The following NETO2 variants were observed in gnomAD, a reference collection of about 807,000 sequenced individuals.
NETO2 encodes neuropilin and tolloid like 2.
A neutral mutation model predicts 62.5 loss-of-function variants in NETO2; 28 were observed. The observed-to-expected ratio is 0.45, with a 90% CI of 0.33 to 0.61. The LOEUF (loss-of-function observed/expected upper bound fraction) is 0.61. Among genes scored for constraint, NETO2 ranks in the 20% least tolerant of loss-of-function variants. The pLI is 0.02. For synonymous variants in NETO2, 214 were observed against 219.1 expected (o/e 0.98, Z 0.21); for missense variants, 548 against 643.2 (o/e 0.85, Z 1.60).
At chr16:47,123,012 G>C (rs1964073677) in intron 4 of NETO2, 100 bp from the exon 5 acceptor site, 2 of 1,161,846 alleles carry the variant, frequency 1.7e-6, no homozygotes, top group Non-Finnish European at 2.5e-6. Flanking sequence ...AGCAAGGTAA[G>C]AGAAGCTTTC....
At position 47,083,120 on chromosome 16, in the gene NETO2, A is replaced by T; in HGVS notation, c.*101T>A. The T allele has an allele frequency of 9.8e-7, 1 of 1,016,834 alleles. No individual in the cohort carries two copies. Among genetic ancestry groups the T allele is most frequent in the Non-Finnish European group, 1.5e-6 (1 of 682,072 alleles). 63.0% of individuals were successfully genotyped at this position (1,016,834 alleles called of 1,614,324 possible). On this transcript the variant is annotated 3_prime_UTR_variant, in exon 9 of 9. Coordinates refer to ENST00000562435, the MANE Select transcript of NETO2 (RefSeq NM_018092.5). ...GTTAACGGTAAATCAAGGTCTTCGT[A>T]GTTGTGATGGGAGAAAAGGGTTGGC... is the stretch of plus-strand genomic sequence containing the variant.
At chr16:47,114,665 T>G (rs1963873210) in intron 6 of NETO2, among the ~76,000 whole-genome samples, 1 of 151,670 alleles carries the variant, frequency 6.6e-6, no homozygotes. Flanking sequence ...TTAGCCAGGA[T>G]GGCCTCGATT....
chr16:47,107,602 G>C (rs768088525), intron 7 of NETO2, among the ~76,000 whole-genome samples: 1 of 152,154 alleles, frequency 6.6e-6, no homozygotes, highest in Non-Finnish European at 1.5e-5. Flanking sequence ...CTGGTCCAGC[G>C]TTGGGTCAGG....
chr16:47,116,827 A>G (rs1245782551), intron 6 of NETO2, among the ~76,000 whole-genome samples: 1 of 152,166 alleles, frequency 6.6e-6, no homozygotes, highest in East Asian at 1.9e-4. Flanking sequence ...GTCTACTGGG[A>G]CATGTTTGGG....
At chr16:47,093,331 C>G (rs768533732) in intron 7 of NETO2, among the ~76,000 whole-genome samples, 2 of 152,160 alleles carry the variant, frequency 1.3e-5, no homozygotes, top group Non-Finnish European at 2.9e-5. Flanking sequence ...TATATCTACT[C>G]TCAAGGACAC....
intron 6 of NETO2, among the ~76,000 whole-genome samples, chr16:47,116,632 AAGTAAGTTTAG>A (rs1185589527): frequency 6.6e-6 from 1 of 152,132 alleles, no homozygotes; most frequent in Non-Finnish European, 1.5e-5. Context: ...TTATCTTACA[AAGTAAGTTTAG>A]AAATGTTCCC....
At chr16:47,124,468 T>G (rs1018783824) in intron 4 of NETO2, among the ~76,000 whole-genome samples, 1 of 152,214 alleles carries the variant, frequency 6.6e-6, no homozygotes, top group African/African-American at 2.4e-5. Context: ...CCATTGTTAA[T>G]AGGTTTCTTC....
rs1963015041 is a variant in NETO2 at position 47,078,705 on chromosome 16, C to A, written c.*4516G>T. 1 of 152,086 alleles carries A rather than the reference C, an allele frequency of 6.6e-6. No individual in the cohort carries two copies. Among genetic ancestry groups the A allele is most frequent in the African/African-American group, 2.4e-5 (1 of 41,404 alleles). The allele number at this position is 152,086 out of a possible 1,614,324, so 9.4% of individuals were successfully genotyped here. A position where few individuals can be genotyped will look rare whatever the true frequency, so the allele number is the denominator to read the frequency against. ...GATATGGCACACAAATATTTAATTT[C>A]TAGAATACACGTCTCCTTTAGATTT... On this transcript the variant is annotated 3_prime_UTR_variant, in exon 9 of 9. Transcript: ENST00000562435.
intron 6 of NETO2, among the ~76,000 whole-genome samples, chr16:47,112,195 G>A (rs1302794041): frequency 2.0e-5 from 3 of 151,590 alleles, no homozygotes; most frequent in South Asian, 4.2e-4. Flanking sequence ...TGGGACTGCA[G>A]GCATGGGCCA....
chr16:47,132,006 C>A lies in NETO2; in HGVS notation c.54G>T (p.Leu18=). 1 of 1,612,336 alleles carries A rather than the reference C, an allele frequency of 6.2e-7. No homozygotes were observed. The highest frequency in any genetic ancestry group is 8.5e-7 in the Non-Finnish European group (1 of 1,178,766). The change falls in exon 2 of 9, where the codon CTG becomes CTT. Residue 18 remains leucine, a synonymous_variant. Coordinates refer to ENST00000562435, the MANE Select transcript of NETO2 (RefSeq NM_018092.5). ...SVLKVLLITV[L]VVEGIAVAQK... is the part of the protein sequence containing the mutation. ...GGGCCACGGCAATCCCTTCCACTACCAGTACTGTTATTAACAACACTAGAG... is the reference window on the plus strand; with the variant it reads ...GGGCCACGGCAATCCCTTCCACTACAAGTACTGTTATTAACAACACTAGAG...
intron 4 of NETO2, among the ~76,000 whole-genome samples, chr16:47,124,569 A>T (rs1964116216): frequency 6.6e-6 from 1 of 152,164 alleles, no homozygotes; most frequent in African/African-American, 2.4e-5. Flanking sequence ...TGCATTGCCT[A>T]TTTATTTTGA....
chr16:47,113,736 C>T (rs1596725945), intron 6 of NETO2, among the ~76,000 whole-genome samples: 1 of 151,724 alleles, frequency 6.6e-6, no homozygotes, highest in Non-Finnish European at 1.5e-5. Context: ...GGATTACAGG[C>T]ACCTGCCACC....
At position 47,098,822 on chromosome 16, in the gene NETO2, C is replaced by CA. The variant is rs367897257; in HGVS notation, c.883+10660_883+10661insT. ...AAAGGGAAGCCCATCAGACTAACAG[C>CA]GATCTCTCTGCAGAAACCCTACAAG... On this transcript the variant is annotated intron_variant, in intron 7 of 8. Coordinates refer to ENST00000562435, the MANE Select transcript of NETO2 (RefSeq NM_018092.5). Among the ~76,000 whole-genome samples, 311 of 152,252 alleles carry CA rather than the reference C, an allele frequency of 2.0e-3. 4 individuals carry two copies. Among genetic ancestry groups the CA allele is most frequent in the African/African-American group, 7.1e-3 (296 of 41,550 alleles).
chr16:47,080,435 TTC>T lies in NETO2; in HGVS notation c.*2784_*2785del, dbSNP rs760534791. 7.9e-5 allele frequency: 12 copies of T among 152,270 alleles called. No homozygotes were observed. The highest frequency in any genetic ancestry group is 1.2e-4 in the Non-Finnish European group (8 of 68,046). The allele number at this position is 152,270 out of a possible 1,614,324, so 9.4% of individuals were successfully genotyped here. A position where few individuals can be genotyped will look rare whatever the true frequency, so the allele number is the denominator to read the frequency against. ...CCACAAGATTGCTAAATTTCATGTC[TTC>T]TGTTATTAAATTTTATGGCTTTCAT... On this transcript the variant is annotated 3_prime_UTR_variant, in exon 9 of 9. Coordinates refer to ENST00000562435, the MANE Select transcript of NETO2 (RefSeq NM_018092.5).
At chr16:47,092,630 G>A (rs893603923) in intron 7 of NETO2, among the ~76,000 whole-genome samples, 1 of 152,140 alleles carries the variant, frequency 6.6e-6, no homozygotes, top group Admixed American at 6.5e-5. Flanking sequence ...TGTTAGCTAC[G>A]TCTTTGTATA....
intron 7 of NETO2, among the ~76,000 whole-genome samples, chr16:47,099,911 A>C (rs1963506534): frequency 6.6e-6 from 1 of 152,214 alleles, no homozygotes; most frequent in South Asian, 2.1e-4. Context: ...CGAGACGGAA[A>C]ATTAACAAGG....
At chr16:47,086,073 T>A (rs1342558963) in intron 8 of NETO2, among the ~76,000 whole-genome samples, 153 bp downstream of exon 8, 1 of 152,114 alleles carries the variant, frequency 6.6e-6, no homozygotes, top group Non-Finnish European at 1.5e-5. Flanking sequence ...GCCACTGCAC[T>A]CCAGCCTGGG....
chr16:47,125,834 G>A (rs913174169), intron 4 of NETO2, among the ~76,000 whole-genome samples: 9 of 152,300 alleles, frequency 5.9e-5, no homozygotes, highest in African/African-American at 2.2e-4. Context: ...GGAATGACAC[G>A]TGTGCACCAC....
At chr16:47,095,437 T>C (rs1963408677) in intron 7 of NETO2, among the ~76,000 whole-genome samples, 1 of 152,156 alleles carries the variant, frequency 6.6e-6, no homozygotes, top group Non-Finnish European at 1.5e-5. Flanking sequence ...GATCCAATTA[T>C]ATGCTGCCTG....
Sources: allele counts gnomAD v4.1 joint callset (sites outside exome capture counted in the v4.1 genomes callset), GRCh38; gene constraint gnomAD v4.1.1; transcripts MANE v1.5; gene names NCBI Gene and HGNC (gene_info 2026-07-23, HGNC 2026-07-21).